The following MAPK8 variants were observed in gnomAD, a reference collection of about 807,000 sequenced individuals.
MAPK8 encodes JUN N-terminal kinase.
In MAPK8, 13 loss-of-function variants were observed where a neutral mutation model predicts 52.9. That is an observed-to-expected ratio of 0.25 (90% CI 0.16 to 0.39). The LOEUF is 0.39. Ranked by LOEUF, MAPK8 falls within the 10% of genes least tolerant of loss-of-function variation. MAPK8 has a pLI of 1.00. For missense variants in MAPK8, 300 were observed against 519.2 expected, an observed-to-expected ratio of 0.58 and a Z score of 4.10; for synonymous variants, 191 against 169.8, an observed-to-expected ratio of 1.12 and a Z score of -0.97.
chr10:48,359,567 G>T (rs1046621713), intron 1 of MAPK8, among the ~76,000 whole-genome samples: 1 of 152,140 alleles, frequency 6.6e-6, no homozygotes, highest in Non-Finnish European at 1.5e-5. Context: ...TGGTACAAAG[G>T]TAGAAAATAG....
chr10:48,323,789 A>G (rs1843213455), intron 1 of MAPK8, among the ~76,000 whole-genome samples: 2 of 152,184 alleles, frequency 1.3e-5, no homozygotes, highest in Non-Finnish European at 2.9e-5. Context: ...TTATCAGCAG[A>G]GTTTTGGTTG....
At chr10:48,348,058 G>T (rs1428277945) in intron 1 of MAPK8, among the ~76,000 whole-genome samples, 1 of 152,180 alleles carries the variant, frequency 6.6e-6, no homozygotes, top group Non-Finnish European at 1.5e-5. Context: ...TCCAGCATCT[G>T]TTGTTTCCTG....
intron 1 of MAPK8, among the ~76,000 whole-genome samples, chr10:48,384,925 C>T (rs146873034): frequency 6.6e-6 from 1 of 152,264 alleles, no homozygotes; most frequent in East Asian, 1.9e-4. Context: ...GCCTAGGACA[C>T]ACTTCCAAGT....
chr10:48,334,451 CA>C (rs1259860946), intron 1 of MAPK8, among the ~76,000 whole-genome samples: 2 of 152,072 alleles, frequency 1.3e-5, no homozygotes, highest in African/African-American at 4.8e-5. Flanking sequence ...ACTCGACCTC[CA>C]AAAATGCCCA....
intron 1 of MAPK8, among the ~76,000 whole-genome samples, chr10:48,318,431 G>C (rs1303072454): frequency 6.6e-6 from 1 of 152,132 alleles, no homozygotes; most frequent in Non-Finnish European, 1.5e-5. Flanking sequence ...AGAAGGAAAG[G>C]GGGACAAGGG....
chr10:48,412,511 T>G (rs1173822445), intron 5 of MAPK8, among the ~76,000 whole-genome samples: 3 of 152,258 alleles, frequency 2.0e-5, no homozygotes, highest in African/African-American at 7.2e-5. Flanking sequence ...TTTCTTCTCC[T>G]TTTGGAACTC....
intron 1 of MAPK8, among the ~76,000 whole-genome samples, chr10:48,347,684 G>C (rs779490204): frequency 6.6e-6 from 1 of 152,184 alleles, no homozygotes; most frequent in South Asian, 2.1e-4. Flanking sequence ...TGCTGAGAAT[G>C]ATGGTTTCCA....
intron 1 of MAPK8, among the ~76,000 whole-genome samples, chr10:48,395,659 A>G (rs1057334725): frequency 2.0e-5 from 3 of 152,078 alleles, no homozygotes; most frequent in Admixed American, 1.3e-4. Context: ...ATGTATATAG[A>G]ATTATGAAGT....
intron 1 of MAPK8, among the ~76,000 whole-genome samples, chr10:48,345,250 C>G (rs892705371): frequency 3.3e-5 from 5 of 152,126 alleles, no homozygotes; most frequent in African/African-American, 1.2e-4. Flanking sequence ...TTGCTTGACC[C>G]AATACTTCTG....
intron 11 of MAPK8, among the ~76,000 whole-genome samples, chr10:48,431,484 T>G (rs2044254976): frequency 6.6e-6 from 1 of 152,230 alleles, no homozygotes; most frequent in Non-Finnish European, 1.5e-5. Context: ...TCTATGATAC[T>G]GACATTCTGA....
At chr10:48,346,206 G>T (rs529149335) in intron 1 of MAPK8, among the ~76,000 whole-genome samples, 79 of 152,272 alleles carry the variant, frequency 5.2e-4, no homozygotes, top group African/African-American at 1.9e-3. Context: ...AACAAGAATA[G>T]TTATACCAGA....
At chr10:48,341,721 G>T (rs547789313) in intron 1 of MAPK8, among the ~76,000 whole-genome samples, 1 of 152,188 alleles carries the variant, frequency 6.6e-6, no homozygotes, top group East Asian at 1.9e-4. Flanking sequence ...TAAACAATTA[G>T]AACTCTGATG....
At chr10:48,320,564 T>C (rs1253509659) in intron 1 of MAPK8, among the ~76,000 whole-genome samples, 2 of 152,038 alleles carry the variant, frequency 1.3e-5, no homozygotes, top group African/African-American at 4.8e-5. Context: ...TGGTGAAATA[T>C]TATTTGGTTG....
chr10:48,393,163 C>G (rs1050082534), intron 1 of MAPK8, among the ~76,000 whole-genome samples: 1 of 152,176 alleles, frequency 6.6e-6, no homozygotes, highest in South Asian at 2.1e-4. Flanking sequence ...AATAACTTGT[C>G]TCTCATTGCT....
At chr10:48,375,419 G>A (rs1000323432) in intron 1 of MAPK8, among the ~76,000 whole-genome samples, 1 of 152,086 alleles carries the variant, frequency 6.6e-6, no homozygotes, top group Admixed American at 6.6e-5. Flanking sequence ...GAAATAAAGG[G>A]TATTCAGTTA....
At chr10:48,410,685 A>G (rs1013818548) in intron 5 of MAPK8, among the ~76,000 whole-genome samples, 2 of 152,208 alleles carry the variant, frequency 1.3e-5, no homozygotes, top group Non-Finnish European at 1.5e-5. Context: ...TGGTGATTCT[A>G]TAGTTAACTT....
At chr10:48,322,385 A>G (rs767011015) in intron 1 of MAPK8, among the ~76,000 whole-genome samples, 14 of 152,164 alleles carry the variant, frequency 9.2e-5, no homozygotes, top group Non-Finnish European at 1.9e-4. Flanking sequence ...ATATAAGGAA[A>G]ATTATATAGA....
chr10:48,421,789 G>A (rs897669152), intron 6 of MAPK8, among the ~76,000 whole-genome samples: 4 of 152,012 alleles, frequency 2.6e-5, no homozygotes, highest in Non-Finnish European at 5.9e-5. Context: ...GGGCGACAAA[G>A]CAAGACTCTG....
rs2044176203 is a variant in MAPK8 at position 48,430,919 on chromosome 10, G to A, written c.1061-274G>A. On this transcript the variant is annotated intron_variant, in intron 10 of 11. Coordinates refer to ENST00000374189, the MANE Select transcript of MAPK8 (RefSeq NM_001323329.2). ...CACAAGTTGCTGGTAGAGTGAAAAA[G>A]AAAGCTTCTACCCCAGCACTATCAA... 12 of 442,604 alleles carry A rather than the reference G, an allele frequency of 2.7e-5. No individual in the cohort carries two copies. In the South Asian group the frequency reaches 2.7e-4, roughly 10 times the overall value. 27.4% of individuals were successfully genotyped at this position (442,604 alleles called of 1,614,324 possible). A position where few individuals can be genotyped will look rare whatever the true frequency, so the allele number is the denominator to read the frequency against.
Sources: gnomAD v4.1 joint callset for allele counts (sites outside exome capture counted in the v4.1 genomes callset) on GRCh38, gnomAD v4.1.1 for gene constraint, MANE v1.5 for transcripts, NCBI Gene and HGNC (gene_info 2026-07-23, HGNC 2026-07-21) for gene names.